The following MGST1 variants were observed in gnomAD, a reference collection of about 807,000 sequenced individuals.
MGST1 encodes the protein glutathione S-transferase 12.
A neutral mutation model predicts 8.9 loss-of-function variants in MGST1; 5 were observed. That is an observed-to-expected ratio of 0.56 (90% confidence interval 0.29 to 1.19). The LOEUF is 1.19. Among genes scored for constraint, MGST1 ranks in the 50% most tolerant of loss-of-function variants. The probability of loss-of-function intolerance (pLI) is 0.08; values close to 1 mark genes in which losing one functional copy is unlikely to be tolerated. For synonymous variants in MGST1, 54 were observed against 67.8 expected (o/e 0.80, Z 1.00); for missense variants, 182 against 187.4 (o/e 0.97, Z 0.17).
intron 1 of MGST1, among the ~76,000 whole-genome samples, chr12:16,395,371 A>C (rs987794847): frequency 6.6e-6 from 1 of 152,184 alleles, no homozygotes; most frequent in Non-Finnish European, 1.5e-5. Flanking sequence ...TTAACCCAGC[A>C]TAGTAATGCA....
chr12:16,365,938 A>G (rs1215884745), downstream of MGST1, among the ~76,000 whole-genome samples: 3 of 152,224 alleles, frequency 2.0e-5, no homozygotes, highest in Admixed American at 6.5e-5. Flanking sequence ...TAATCTCTCA[A>G]TCATAAAGAT....
intron 1 of MGST1, among the ~76,000 whole-genome samples, chr12:16,420,417 T>A (rs1250317784): frequency 6.6e-6 from 1 of 152,210 alleles, no homozygotes; most frequent in Non-Finnish European, 1.5e-5. Context: ...ATATGTTCAT[T>A]TGTTCACGTG....
intron 1 of MGST1, among the ~76,000 whole-genome samples, chr12:16,384,979 G>A (rs941838625): frequency 1.3e-5 from 2 of 152,174 alleles, no homozygotes; most frequent in Admixed American, 6.5e-5. Flanking sequence ...GTAGAGTAAC[G>A]GTAGAGGCCA....
intron 1 of MGST1, among the ~76,000 whole-genome samples, chr12:16,433,574 G>A (rs757289067): frequency 2.0e-5 from 3 of 152,046 alleles, no homozygotes; most frequent in Non-Finnish European, 2.9e-5. Flanking sequence ...TTCCATTCAG[G>A]CCTTCAGCTG....
chr12:16,401,134 A>G lies in MGST1; in HGVS notation n.778+17530A>G. The G allele has an allele frequency of 6.4e-7, 1 of 1,570,950 alleles. No individual in the cohort carries two copies. Among genetic ancestry groups the G allele is most frequent in the Non-Finnish European group, 8.8e-7 (1 of 1,141,608 alleles). The stretch of plus-strand genomic sequence containing the variant: ...TTCCTCATCTTCGTTCCTTAGGAAA[A>G]TACCCACATTCTTCACTTTCTTCTT... On this transcript the variant is annotated intron_variant and non_coding_transcript_variant, in intron 1 of 1. Transcript: ENST00000359720. The surrounding 1 kb of genome is among the most constrained non-coding windows in gnomAD (Gnocchi z 4.3).
intron 4 of MGST1, among the ~76,000 whole-genome samples, chr12:16,471,104 C>T (rs1263888694): frequency 6.6e-6 from 1 of 152,160 alleles, no homozygotes; most frequent in Non-Finnish European, 1.5e-5. Flanking sequence ...GTAATTTGAA[C>T]CTGACTGTAT....
At chr12:16,402,975 A>G (rs971702115) in intron 1 of MGST1, among the ~76,000 whole-genome samples, 2 of 150,338 alleles carry the variant, frequency 1.3e-5, no homozygotes, top group Admixed American at 6.6e-5. Context: ...ATTATTATTA[A>G]ATAAATTATC....
At chr12:16,583,947 A>G (rs184687792) in intron 4 of MGST1, among the ~76,000 whole-genome samples, 1 of 152,314 alleles carries the variant, frequency 6.6e-6, no homozygotes, top group East Asian at 1.9e-4. Flanking sequence ...CAGTGCTATT[A>G]CAAGTGAAAC....
At chr12:16,479,022 G>C in intron 4 of MGST1, among the ~76,000 whole-genome samples, 2 of 151,886 alleles carry the variant, frequency 1.3e-5, no homozygotes, top group South Asian at 4.2e-4. Context: ...GAATTTACCC[G>C]TTCTGGGTAT....
exon 1 of MGST1, chr12:16,382,913 GC>G: frequency 6.5e-6 from 1 of 153,258 alleles, no homozygotes; most frequent in Non-Finnish European, 1.5e-5. Flanking sequence ...CTAGCAATGA[GC>G]GAGACTCCGT....
At chr12:16,399,686 G>T in intron 1 of MGST1, 3 of 1,405,618 alleles carry the variant, frequency 2.1e-6, no homozygotes, top group Non-Finnish European at 2.0e-6. Context: ...GTTCGAAAAA[G>T]CCCTCAGGGT....
At chr12:16,467,558 A>C (rs1941264229) in intron 4 of MGST1, among the ~76,000 whole-genome samples, 1 of 152,206 alleles carries the variant, frequency 6.6e-6, no homozygotes, top group African/African-American at 2.4e-5. Context: ...TAACAGTGAG[A>C]GTTTCAGGTT....
At chr12:16,535,270 G>A (rs894847805) in intron 4 of MGST1, among the ~76,000 whole-genome samples, 2 of 152,150 alleles carry the variant, frequency 1.3e-5, no homozygotes, top group East Asian at 3.9e-4. Context: ...TACCTAAAGG[G>A]TGGTCATCAA....
intron 4 of MGST1, among the ~76,000 whole-genome samples, chr12:16,578,860 A>AACAAC (rs1565497758): frequency 2.7e-5 from 4 of 147,842 alleles, no homozygotes; most frequent in Non-Finnish European, 6.0e-5. Flanking sequence ...ACAACAACAA[A>AACAAC]ACATTAATTC....
rs146536996 is a variant in MGST1 at position 16,414,140 on chromosome 12, G to T, written n.779-23248G>T. ...TATTGGTGCTCAGAAAGGCTCTCAG[G>T]TCCCCCCTAGCTTTCATGCTCTCTT... On this transcript the variant is annotated intron_variant and non_coding_transcript_variant, in intron 1 of 1. Coordinates refer to the MGST1 transcript ENST00000359720. Among the ~76,000 whole-genome samples, 332 of 151,624 alleles carry T rather than the reference G, an allele frequency of 2.2e-3. 3 individuals carry two copies. The highest frequency in any genetic ancestry group is 7.8e-3 in the African/African-American group (325 of 41,456).
chr12:16,443,656 T>C (rs1373080486), downstream of MGST1, among the ~76,000 whole-genome samples: 3 of 151,936 alleles, frequency 2.0e-5, no homozygotes, highest in Admixed American at 1.3e-4. Context: ...TCCATTTTAC[T>C]ATTATTTCAT....
chr12:16,416,182 A>G (rs1940787237), intron 1 of MGST1, among the ~76,000 whole-genome samples: 1 of 152,206 alleles, frequency 6.6e-6, no homozygotes, highest in South Asian at 2.1e-4. Flanking sequence ...TGCAGATTTA[A>G]TTGGTTATAA....
In MGST1 at chr12:16,522,139, C is replaced by G. The variant is rs111233017; in HGVS notation, n.483-67389C>G. On this transcript the variant is annotated intron_variant and non_coding_transcript_variant, in intron 4 of 4. Coordinates refer to the MGST1 transcript ENST00000538857. ...GGGTCTAGCCTGAAGGTGAAGCGCT[C>G]GTACATAGGTTTTACTCTATTCCTC... Among the ~76,000 whole-genome samples the G allele has an allele frequency of 3.1e-3, 470 of 152,162 alleles. 6 individuals carry two copies. Among genetic ancestry groups the G allele is most frequent in the African/African-American group, 0.01 (435 of 41,522 alleles).
At chr12:16,533,318 A>G (rs1341763687) in intron 4 of MGST1, among the ~76,000 whole-genome samples, 1 of 152,130 alleles carries the variant, frequency 6.6e-6, no homozygotes, top group Non-Finnish European at 1.5e-5. Context: ...GGATGTGTTA[A>G]AAAGAGGCTG....
Sources: gnomAD v4.1 joint callset for allele counts (sites outside exome capture counted in the v4.1 genomes callset) on GRCh38, gnomAD v4.1.1 for gene constraint, Gnocchi (gnomAD v3.1) non-coding constraint, MANE v1.5 for transcripts, NCBI Gene and HGNC (gene_info 2026-07-23, HGNC 2026-07-21) for gene names.